Variants in HDAC9 observed in about 807,000 individuals in gnomAD.
HDAC9 encodes the protein MEF-2 interacting transcription repressor (MITR) protein.
Under a neutral mutation model 139.4 loss-of-function variants are expected in HDAC9, and 41 were observed. The observed-to-expected ratio is 0.29, with a 90% CI of 0.23 to 0.38. The LOEUF (loss-of-function observed/expected upper bound fraction) is 0.38, where lower values mean the gene tolerates loss of function less well. Among genes scored for constraint, HDAC9 ranks in the 10% least tolerant of loss-of-function variants. The pLI, the probability that HDAC9 is intolerant of heterozygous loss-of-function variation, is 1.00. For missense variants in HDAC9, 1,147 were observed against 1,297.0 expected (o/e 0.88, Z 1.78); for synonymous variants, 517 against 476.2 (o/e 1.09, Z -1.12).
rs114287383 is a variant in HDAC9 at position 18,465,601 on chromosome 7, C to G, written c.-41-30661C>G. ...TGAGTGGGAATAGGAGCAGGATCTACTCTTTTGGAATCAGAATCTGAATAA... is the reference window on the plus strand; with the variant it reads ...TGAGTGGGAATAGGAGCAGGATCTAGTCTTTTGGAATCAGAATCTGAATAA... On this transcript the variant is annotated intron_variant, in intron 1 of 3. Coordinates refer to the HDAC9 transcript ENST00000413509. 9.9e-3 allele frequency among the ~76,000 whole-genome samples: 1,505 copies of G among 152,240 alleles called. 22 individuals carry two copies. Among genetic ancestry groups the G allele is most frequent in the African/African-American group, 0.034 (1,417 of 41,540 alleles).
intron 2 of HDAC9, among the ~76,000 whole-genome samples, chr7:18,497,562 A>G (rs1260556348): frequency 6.6e-6 from 1 of 152,192 alleles, no homozygotes; most frequent in Non-Finnish European, 1.5e-5. Context: ...AGTGACAGGA[A>G]TTATGTTAAT....
intron 22 of HDAC9, among the ~76,000 whole-genome samples, chr7:18,889,664 C>A (rs983137032): frequency 9.9e-5 from 15 of 152,114 alleles, no homozygotes; most frequent in African/African-American, 3.6e-4. Context: ...GTATATACAC[C>A]TTTATAGGAC....
At chr7:18,371,222 G>T (rs75773869) in intron 1 of HDAC9, among the ~76,000 whole-genome samples, 2,412 of 152,134 alleles carry the variant, frequency 0.016, 91 homozygotes, top group East Asian at 0.16. Flanking sequence ...CGATATGTAG[G>T]TGCACACTTT....
At chr7:18,340,236 A>T (rs552000936) in intron 1 of HDAC9, among the ~76,000 whole-genome samples, 2 of 151,568 alleles carry the variant, frequency 1.3e-5, no homozygotes, top group East Asian at 3.9e-4. Flanking sequence ...TTTCCACTCC[A>T]TTCACTTTTA....
At chr7:18,849,980 A>G (rs911687933) in intron 21 of HDAC9, among the ~76,000 whole-genome samples, 6 of 152,014 alleles carry the variant, frequency 3.9e-5, no homozygotes, top group Admixed American at 3.9e-4. Context: ...TATTACAGCT[A>G]TCAAAGCAGT....
At chr7:18,334,497 G>T (rs904042110) in intron 1 of HDAC9, among the ~76,000 whole-genome samples, 3 of 151,406 alleles carry the variant, frequency 2.0e-5, no homozygotes, top group Non-Finnish European at 4.4e-5. Context: ...TTCATAATTT[G>T]TCAAATGCCA....
intron 17 of HDAC9, among the ~76,000 whole-genome samples, chr7:18,804,527 A>G (rs1001495821): frequency 3.3e-5 from 5 of 152,192 alleles, no homozygotes; most frequent in African/African-American, 1.2e-4. Flanking sequence ...CATTTCATAT[A>G]CATTTTGCCA....
chr7:18,638,933 C>T (rs1026137059), intron 8 of HDAC9, among the ~76,000 whole-genome samples: 6 of 152,014 alleles, frequency 3.9e-5, no homozygotes, highest in Non-Finnish European at 7.4e-5. Flanking sequence ...ATTGTTAATA[C>T]TGTGGGCCTG....
intron 2 of HDAC9, among the ~76,000 whole-genome samples, chr7:18,226,055 C>T (rs1793031523): frequency 6.6e-6 from 1 of 152,046 alleles, no homozygotes; most frequent in South Asian, 2.1e-4. Context: ...GCTAACTTGC[C>T]TCTTTCCAGC....
chr7:18,773,314 T>G (rs1261311777), intron 16 of HDAC9, among the ~76,000 whole-genome samples: 1 of 151,918 alleles, frequency 6.6e-6, no homozygotes, highest in Non-Finnish European at 1.5e-5. Context: ...GCTTTATTTG[T>G]GTTTTTTACA....
chr7:18,942,780 T>C (rs1048557192), intron 23 of HDAC9, among the ~76,000 whole-genome samples: 1 of 151,878 alleles, frequency 6.6e-6, no homozygotes, highest in African/African-American at 2.4e-5. Context: ...TGGGAATATT[T>C]ACACCACAGA....
chr7:18,372,483 G>A (rs879832036), intron 1 of HDAC9, among the ~76,000 whole-genome samples: 5 of 152,184 alleles, frequency 3.3e-5, no homozygotes, highest in Admixed American at 6.6e-5. Context: ...TGAAGACCAC[G>A]TCAGATGTTA....
At chr7:18,639,413 G>A (rs1194651395) in intron 8 of HDAC9, among the ~76,000 whole-genome samples, 3 of 151,986 alleles carry the variant, frequency 2.0e-5, no homozygotes, top group African/African-American at 7.2e-5. Context: ...CAAAACATCA[G>A]TGCCTTTCAA....
rs971936829 is a variant in HDAC9 at position 18,829,293 on chromosome 7, G to T, written c.2378+77G>T. 3.2e-6 allele frequency: 4 copies of T among 1,266,562 alleles called. No homozygotes were observed. The African/African-American group carries it at 5.9e-5, about 19-fold the overall frequency. 78.5% of individuals were successfully genotyped at this position (1,266,562 alleles called of 1,614,324 possible). A position where few individuals can be genotyped will look rare whatever the true frequency, so the allele number is the denominator to read the frequency against. ...CACCTGCCCCGTGCATGTTTCTGAAGCCTCTAATTGTTAGCAGATGGACTG... is the reference window on the plus strand; with the variant it reads ...CACCTGCCCCGTGCATGTTTCTGAATCCTCTAATTGTTAGCAGATGGACTG... On this transcript the variant is annotated intron_variant, in intron 18 of 25. Transcript: ENST00000686413.
At chr7:18,843,074 G>A (rs1403379392) in intron 21 of HDAC9, among the ~76,000 whole-genome samples, 2 of 152,004 alleles carry the variant, frequency 1.3e-5, no homozygotes, top group South Asian at 2.1e-4. Flanking sequence ...CCTTAAAATG[G>A]TTCTAAAGCC....
At chr7:18,214,291 G>C (rs772672978) in intron 2 of HDAC9, among the ~76,000 whole-genome samples, 1 of 151,998 alleles carries the variant, frequency 6.6e-6, no homozygotes. Context: ...TGGTGTGTCT[G>C]GCTCAGGATC....
chr7:18,401,740 T>C (rs575140976), intron 1 of HDAC9, among the ~76,000 whole-genome samples: 1 of 152,370 alleles, frequency 6.6e-6, no homozygotes, highest in African/African-American at 2.4e-5. Flanking sequence ...TTCTTCCATA[T>C]TCTGCTACGT....
At chr7:18,510,196 G>T (rs1801060536) in intron 2 of HDAC9, among the ~76,000 whole-genome samples, 1 of 152,090 alleles carries the variant, frequency 6.6e-6, no homozygotes, top group Admixed American at 6.5e-5. Context: ...ATGTGTGTAT[G>T]ACCCTTTAAA....
chr7:18,310,000 T>C (rs1013056443), intron 1 of HDAC9, among the ~76,000 whole-genome samples: 1 of 152,196 alleles, frequency 6.6e-6, no homozygotes, highest in Admixed American at 6.5e-5. Flanking sequence ...ATGCAAATTC[T>C]AGGCTTTCTG....
Sources: gnomAD v4.1 joint callset for allele counts (sites outside exome capture counted in the v4.1 genomes callset) on GRCh38, gnomAD v4.1.1 for gene constraint, MANE v1.5 for transcripts, NCBI Gene and HGNC (gene_info 2026-07-23, HGNC 2026-07-21) for gene names.